Variants in CRYBG1 observed in about 807,000 individuals in gnomAD.
CRYBG1 encodes the protein crystallin beta-gamma domain containing 1.
A neutral mutation model predicts 189.2 loss-of-function variants in CRYBG1; 139 were observed. That is an observed-to-expected ratio of 0.73 (90% CI 0.64 to 0.85). The LOEUF (loss-of-function observed/expected upper bound fraction) is 0.85. CRYBG1 is among the 40% of genes least tolerant of loss of function. The pLI, the probability that CRYBG1 is intolerant of heterozygous loss-of-function variation, is 0.00. For missense variants in CRYBG1, 2,611 were observed against 2,675.8 expected (o/e 0.98, Z 0.53); for synonymous variants, 1,023 against 1,017.1 (o/e 1.01, Z -0.11).
At chr6:106,483,378 G>GTGTGTGTGTGTATATATA (rs1347885031) in intron 2 of CRYBG1, among the ~76,000 whole-genome samples, 116 of 113,718 alleles carry the variant, frequency 1.0e-3, no homozygotes, top group African/African-American at 2.9e-3. Context: ...GTGTGTGTGT[G>GTGTGTGTGTGTATATATA]TATATATATA....
intron 1 of CRYBG1, among the ~76,000 whole-genome samples, chr6:106,413,545 T>C (rs941191383): frequency 3.9e-5 from 6 of 151,974 alleles, no homozygotes; most frequent in Admixed American, 2.6e-4. Context: ...GGAGTGGTGG[T>C]GTGCACCTGT....
intron 1 of CRYBG1, among the ~76,000 whole-genome samples, chr6:106,388,224 C>T (rs1360689950): frequency 6.6e-6 from 1 of 152,178 alleles, no homozygotes; most frequent in Non-Finnish European, 1.5e-5. Context: ...TGAAAAACTT[C>T]CTCAGAAGTC....
chr6:106,543,916 G>T (rs569712522), intron 11 of CRYBG1, among the ~76,000 whole-genome samples: 13 of 152,346 alleles, frequency 8.5e-5, no homozygotes, highest in African/African-American at 3.1e-4. Context: ...GCTGAGCGTG[G>T]TGTCACATGC....
chr6:106,537,496 T>A (rs9486388), intron 8 of CRYBG1, among the ~76,000 whole-genome samples: 45,714 of 152,146 alleles, frequency 0.3, 7,194 homozygotes, highest in South Asian at 0.37. Context: ...AAGTGTAAAG[T>A]ACCCTATTCT....
intron 17 of CRYBG1, among the ~76,000 whole-genome samples, chr6:106,556,137 T>G (rs12524961): frequency 0.033 from 5,010 of 152,240 alleles, 267 homozygotes; most frequent in East Asian, 0.19. Context: ...AGTGGGAGTC[T>G]CTTGGACTAT....
chr6:106,516,694 AC>A (rs2062034681), intron 3 of CRYBG1, among the ~76,000 whole-genome samples: 1 of 152,214 alleles, frequency 6.6e-6, no homozygotes, highest in Admixed American at 6.5e-5. Flanking sequence ...GATGGAAAGA[AC>A]CAGAGGAGCT....
chr6:106,368,861 T>C lies in CRYBG1; in HGVS notation c.173+7780T>C, dbSNP rs114210052. ...CTGCCATAATTAGTACCTCACCTAC[T>C]ACTTAAAAAAAAATAAACAACCATA... On this transcript the variant is annotated intron_variant, in intron 1 of 21. Transcript: ENST00000633556. Among the ~76,000 whole-genome samples, 1,453 of 152,160 alleles carry C rather than the reference T, an allele frequency of 9.5e-3. 24 individuals carry two copies. The highest frequency in any genetic ancestry group is 0.033 in the African/African-American group (1,355 of 41,512).
chr6:106,469,012 G>C (rs527273957), intron 2 of CRYBG1, among the ~76,000 whole-genome samples: 4 of 152,326 alleles, frequency 2.6e-5, no homozygotes, highest in South Asian at 2.1e-4. Context: ...ACTTGGAAGA[G>C]AGCGTTCCAT....
intron 2 of CRYBG1, among the ~76,000 whole-genome samples, chr6:106,505,578 A>G (rs549558029): frequency 6.6e-6 from 1 of 151,924 alleles, no homozygotes; most frequent in African/African-American, 2.4e-5. Context: ...CCCATTCCCC[A>G]TCTTCGTTCT....
Position 106,547,187 on chromosome 6 carries a change from G to GACACACAC in CRYBG1, c.5312+2273_5312+2280dup, listed in dbSNP as rs113926303. 8.4e-3 allele frequency among the ~76,000 whole-genome samples: 425 copies of GACACACAC among 50,664 alleles called. 2 individuals are homozygous for GACACACAC. Among genetic ancestry groups the GACACACAC allele is most frequent in the African/African-American group, 0.016 (411 of 25,698 alleles). The allele number at this position is 50,664 out of a possible 152,430, so 33.2% of individuals were successfully genotyped here. On this transcript the variant is annotated intron_variant, in intron 13 of 21. Transcript: ENST00000633556. ...GAAGGGAGCTACGTACACATACGTGGACACACACACACACACACACACACA... is the reference window on the plus strand; with the variant it reads ...GAAGGGAGCTACGTACACATACGTGGACACACACACACACACACACACACACACACACA...
chr6:106,464,451 C>G (rs1772072243), intron 2 of CRYBG1, among the ~76,000 whole-genome samples: 1 of 150,476 alleles, frequency 6.6e-6, no homozygotes, highest in Non-Finnish European at 1.5e-5. Flanking sequence ...CAAGATTGTG[C>G]CACTGCATTT....
chr6:106,427,770 C>T (rs1456379449), intron 1 of CRYBG1, among the ~76,000 whole-genome samples: 2 of 152,172 alleles, frequency 1.3e-5, no homozygotes, highest in Admixed American at 1.3e-4. Flanking sequence ...TTCAGTGCTT[C>T]CTCATTACAC....
intron 9 of CRYBG1, chr6:106,541,138 G>T: frequency 2.4e-6 from 1 of 413,906 alleles, no homozygotes; most frequent in Non-Finnish European, 4.9e-6. Context: ...ATGGCTGAGA[G>T]TTAAACCGAA....
intron 1 of CRYBG1, among the ~76,000 whole-genome samples, chr6:106,362,213 C>T (rs185563235): frequency 2.2e-4 from 34 of 151,942 alleles, no homozygotes; most frequent in Middle Eastern, 3.4e-3. Context: ...TCATGATCCG[C>T]CCGCCTCGGC....
chr6:106,513,337 T>G (rs921816414), intron 3 of CRYBG1, among the ~76,000 whole-genome samples: 2 of 152,232 alleles, frequency 1.3e-5, no homozygotes, highest in Non-Finnish European at 2.9e-5. Flanking sequence ...CCTCATGGCC[T>G]GACATGAGCT....
intron 4 of CRYBG1, among the ~76,000 whole-genome samples, chr6:106,524,273 C>T (rs1160810877): frequency 6.6e-6 from 1 of 152,022 alleles, no homozygotes. Context: ...ATCAAAAAAG[C>T]GGGATTAGGC....
chr6:106,499,430 G>A (rs941076276), intron 2 of CRYBG1, among the ~76,000 whole-genome samples: 4 of 151,270 alleles, frequency 2.6e-5, no homozygotes, highest in Admixed American at 2.6e-4. Flanking sequence ...AAAGTGTTGG[G>A]ATTACAGGAG....
intron 8 of CRYBG1, 49 bp from the exon 9 acceptor site, chr6:106,539,354 A>G (rs1248937266): frequency 6.2e-7 from 1 of 1,602,670 alleles, no homozygotes. Context: ...AAAAACTGAA[A>G]CAAATGATGA....
intron 2 of CRYBG1, 88 bp from the exon 3 acceptor site, chr6:106,511,339 TATC>T: frequency 8.7e-7 from 1 of 1,150,418 alleles, no homozygotes; most frequent in African/African-American, 1.6e-5. Flanking sequence ...TCTGGTCTGT[TATC>T]ATTTTGGCTG....
Sources: gnomAD v4.1 joint callset for allele counts (sites outside exome capture counted in the v4.1 genomes callset) on GRCh38, gnomAD v4.1.1 for gene constraint, MANE v1.5 for transcripts, NCBI Gene and HGNC (gene_info 2026-07-23, HGNC 2026-07-21) for gene names.